STXBP4: variants seen among roughly 807,000 people sequenced by gnomAD.
STXBP4 encodes the protein syntaxin binding protein 4.
A neutral mutation model predicts 76.1 loss-of-function variants in STXBP4; 55 were observed. The observed-to-expected ratio is 0.72, with a 90% CI of 0.58 to 0.91. The LOEUF (loss-of-function observed/expected upper bound fraction) is 0.91, where lower values mean the gene tolerates loss of function less well. Among genes scored for constraint, STXBP4 ranks in the 40% least tolerant of loss-of-function variants. The pLI is 0.00. For missense variants in STXBP4, 618 were observed against 636.9 expected (o/e 0.97, Z 0.32); for synonymous variants, 201 against 220.2 (o/e 0.91, Z 0.77).
At chr17:55,105,063 C>CA (rs1459307990) in intron 16 of STXBP4, among the ~76,000 whole-genome samples, 1 of 152,010 alleles carries the variant, frequency 6.6e-6, no homozygotes, top group Non-Finnish European at 1.5e-5. Context: ...TTAATCTTCT[C>CA]AAAAAAACAG....
At position 55,169,976 on chromosome 17, in the gene STXBP4, T is replaced by A. The variant is rs2080397361; in HGVS notation, c.*10065T>A. 2.0e-5 allele frequency: 3 copies of A among 152,240 alleles called. No individual in the cohort carries two copies. In the South Asian group the frequency reaches 6.2e-4, roughly 32 times the overall value. The allele number at this position is 152,240 out of a possible 1,614,324, so 9.4% of individuals were successfully genotyped here. On this transcript the variant is annotated 3_prime_UTR_variant, in exon 18 of 18. Transcript: ENST00000376352. ...ATGATATAAGGCTTCCTTAGAATTA[T>A]TGATTAATTATTTAAGATACAATAA...
the STXBP4 span, among the ~76,000 whole-genome samples, chr17:55,208,052 G>A: frequency 0.014 from 2,060 of 150,280 alleles, 38 homozygotes; most frequent in East Asian, 0.058. Flanking sequence ...AAGTCTCAAA[G>A]TACCAGGCTA....
At chr17:55,025,872 G>C (rs2078403119) in intron 8 of STXBP4, among the ~76,000 whole-genome samples, 1 of 152,160 alleles carries the variant, frequency 6.6e-6, no homozygotes, top group Admixed American at 6.5e-5. Flanking sequence ...ATGTGATCTT[G>C]TATATAAGAA....
intron 17 of STXBP4, among the ~76,000 whole-genome samples, chr17:55,144,174 A>C (rs1049203036): frequency 6.6e-6 from 1 of 152,210 alleles, no homozygotes; most frequent in Non-Finnish European, 1.5e-5. Context: ...AGCAGAATAG[A>C]AACTTGGTTG....
chr17:55,194,446 C>T, the STXBP4 span, among the ~76,000 whole-genome samples: 2 of 152,278 alleles, frequency 1.3e-5, no homozygotes, highest in African/African-American at 4.8e-5. Context: ...TAGAGCTCCT[C>T]CTATTTGGCC....
intron 16 of STXBP4, among the ~76,000 whole-genome samples, chr17:55,125,182 A>G (rs1407392288): frequency 2.0e-5 from 3 of 152,204 alleles, no homozygotes; most frequent in Admixed American, 1.3e-4. Flanking sequence ...GCAGCATTTT[A>G]TACTCTGCAC....
chr17:55,121,847 C>G (rs796239546), intron 16 of STXBP4, among the ~76,000 whole-genome samples: 1 of 151,940 alleles, frequency 6.6e-6, no homozygotes, highest in Non-Finnish European at 1.5e-5. Context: ...CTTGTTCTTT[C>G]CTGCCTTCAA....
intron 16 of STXBP4, among the ~76,000 whole-genome samples, chr17:55,136,704 T>C (rs1487812523): frequency 1.3e-5 from 2 of 152,112 alleles, no homozygotes; most frequent in African/African-American, 4.8e-5. Context: ...TAGCTGGTTG[T>C]TAAAATATTT....
At chr17:55,114,405 C>T (rs2079758516) in intron 16 of STXBP4, among the ~76,000 whole-genome samples, 1 of 151,984 alleles carries the variant, frequency 6.6e-6, no homozygotes, top group African/African-American at 2.4e-5. Context: ...CTAAGTAAAG[C>T]ATGTGATTGG....
At chr17:55,077,931 C>T in intron 13 of STXBP4, 147 bp from the exon 14 acceptor site, 2 of 486,422 alleles carry the variant, frequency 4.1e-6, no homozygotes, top group Non-Finnish European at 3.6e-6. Flanking sequence ...CAGTTAGTTA[C>T]ATGCCCCCCA....
chr17:55,146,931 T>C (rs552183493), intron 17 of STXBP4, among the ~76,000 whole-genome samples: 37 of 152,322 alleles, frequency 2.4e-4, no homozygotes, highest in African/African-American at 8.4e-4. Context: ...TTATAACCAA[T>C]GTCAGATGAC....
chr17:54,997,492 A>G (rs1197732996), intron 4 of STXBP4, among the ~76,000 whole-genome samples: 1 of 148,774 alleles, frequency 6.7e-6, no homozygotes, highest in East Asian at 1.9e-4. Flanking sequence ...GTTTAATCAC[A>G]TATTTACATA....
At chr17:54,998,709 G>GGA (rs1327896498) in intron 4 of STXBP4, among the ~76,000 whole-genome samples, 6 of 152,184 alleles carry the variant, frequency 3.9e-5, no homozygotes, top group Non-Finnish European at 8.8e-5. Flanking sequence ...TCCTTGGCCA[G>GGA]GCGCAGTGGC....
the STXBP4 span, among the ~76,000 whole-genome samples, chr17:55,195,448 A>G: frequency 8.6e-4 from 131 of 152,182 alleles, no homozygotes; most frequent in African/African-American, 2.7e-3. Flanking sequence ...TTAATTTTTT[A>G]AATTTTTTAT....
chr17:55,090,778 G>T (rs1449413686), intron 16 of STXBP4, among the ~76,000 whole-genome samples: 1 of 151,208 alleles, frequency 6.6e-6, no homozygotes. Flanking sequence ...GATAGAAGAG[G>T]GATCTCATGC....
chr17:55,105,444 T>C (rs2145035373), intron 16 of STXBP4, among the ~76,000 whole-genome samples: 1 of 151,832 alleles, frequency 6.6e-6, no homozygotes, highest in Non-Finnish European at 1.5e-5. Context: ...CAAGTGAATT[T>C]CTTAATCCTG....
intron 17 of STXBP4, among the ~76,000 whole-genome samples, chr17:55,142,862 G>A (rs1026240584): frequency 6.6e-6 from 1 of 152,152 alleles, no homozygotes; most frequent in Non-Finnish European, 1.5e-5. Context: ...AATTCCATGT[G>A]CAGATTACAT....
intron 16 of STXBP4, among the ~76,000 whole-genome samples, chr17:55,111,068 G>A (rs952644975): frequency 6.6e-6 from 1 of 152,136 alleles, no homozygotes; most frequent in African/African-American, 2.4e-5. Flanking sequence ...GGTAATGGGA[G>A]CTTAAACTAG....
chr17:55,053,101 A>G (rs994203467), intron 12 of STXBP4, among the ~76,000 whole-genome samples: 5 of 152,068 alleles, frequency 3.3e-5, no homozygotes, highest in African/African-American at 1.2e-4. Context: ...GAAAAATGCT[A>G]TAAAGGATAT....
Sources: gnomAD v4.1 joint callset for allele counts (sites outside exome capture counted in the v4.1 genomes callset) on GRCh38, gnomAD v4.1.1 for gene constraint, MANE v1.5 for transcripts, NCBI Gene and HGNC (gene_info 2026-07-23, HGNC 2026-07-21) for gene names.